The following CNBD1 variants were observed in gnomAD, a reference collection of about 807,000 sequenced individuals.
CNBD1 encodes cyclic nucleotide-binding domain-containing protein 1.
Under a neutral mutation model 54.4 loss-of-function variants are expected in CNBD1, and 71 were observed. The ratio of observed to expected loss-of-function variants is 1.30; its 90% CI spans 1.08 to 1.59. The LOEUF (loss-of-function observed/expected upper bound fraction) is 1.59. Among genes scored for constraint, CNBD1 ranks in the 40% most tolerant of loss-of-function variants. The pLI is 0.00. For missense variants in CNBD1, 659 were observed against 518.0 expected (o/e 1.27, Z -2.64); for synonymous variants, 182 against 170.7 (o/e 1.07, Z -0.51).
At chr8:86,988,152 T>G (rs1808652695) in intron 4 of CNBD1, among the ~76,000 whole-genome samples, 1 of 151,512 alleles carries the variant, frequency 6.6e-6, no homozygotes, top group Non-Finnish European at 1.5e-5. Flanking sequence ...GGTTTTTTTT[T>G]TTTTTTTTTA....
chr8:87,380,556 G>T (rs535585531), intron 10 of CNBD1, among the ~76,000 whole-genome samples: 1 of 151,868 alleles, frequency 6.6e-6, no homozygotes, highest in Non-Finnish European at 1.5e-5. Flanking sequence ...CTGAAAAAAA[G>T]CACCATTAGG....
chr8:87,307,450 A>T (rs1396654809), intron 8 of CNBD1, among the ~76,000 whole-genome samples: 2 of 152,204 alleles, frequency 1.3e-5, no homozygotes, highest in African/African-American at 4.8e-5. Context: ...ATCAGAACTT[A>T]GCAAGGGCTG....
intron 8 of CNBD1, among the ~76,000 whole-genome samples, chr8:87,351,190 G>A (rs769724777): frequency 6.6e-6 from 1 of 152,076 alleles, no homozygotes; most frequent in Non-Finnish European, 1.5e-5. Flanking sequence ...GTTCAAACTG[G>A]GCCAATGTGG....
At chr8:87,010,812 C>A (rs916793744) in intron 4 of CNBD1, among the ~76,000 whole-genome samples, 1 of 152,172 alleles carries the variant, frequency 6.6e-6, no homozygotes, top group African/African-American at 2.4e-5. Context: ...TTTTCTTGAA[C>A]ACTGAAAACA....
At chr8:87,222,524 G>A (rs1161801059) in intron 5 of CNBD1, among the ~76,000 whole-genome samples, 1 of 152,082 alleles carries the variant, frequency 6.6e-6, no homozygotes, top group African/African-American at 2.4e-5. Context: ...GGCTTCCCTG[G>A]TAGATAGATA....
chr8:87,284,021 G>T (rs1808646325), intron 6 of CNBD1, among the ~76,000 whole-genome samples: 1 of 152,062 alleles, frequency 6.6e-6, no homozygotes, highest in South Asian at 2.1e-4. Flanking sequence ...TATCATCTTA[G>T]ATAGGCATAT....
chr8:86,928,446 A>G (rs1460856508), intron 3 of CNBD1, among the ~76,000 whole-genome samples: 1 of 152,132 alleles, frequency 6.6e-6, no homozygotes, highest in Non-Finnish European at 1.5e-5. Flanking sequence ...AGTGAAGGTT[A>G]TATTGTATCC....
chr8:87,120,207 G>C (rs982743195), intron 4 of CNBD1, among the ~76,000 whole-genome samples: 3 of 151,844 alleles, frequency 2.0e-5, no homozygotes, highest in African/African-American at 7.3e-5. Context: ...TCTGGTTCTG[G>C]GCTTTTCTTT....
chr8:87,297,754 G>C (rs1222452846), intron 8 of CNBD1, among the ~76,000 whole-genome samples: 1 of 151,708 alleles, frequency 6.6e-6, no homozygotes, highest in Non-Finnish European at 1.5e-5. Flanking sequence ...ATATTTACCT[G>C]TAATATTTTA....
At chr8:87,421,376 A>G (rs1263222849) in intron 2 of CNBD1, among the ~76,000 whole-genome samples, 2 of 149,200 alleles carry the variant, frequency 1.3e-5, no homozygotes, top group Non-Finnish European at 3.0e-5. Flanking sequence ...TGCACCCACT[A>G]ACTCGTCATC....
chr8:87,423,746 T>C (rs982137753), intron 2 of CNBD1, among the ~76,000 whole-genome samples: 1 of 151,694 alleles, frequency 6.6e-6, no homozygotes, highest in Non-Finnish European at 1.5e-5. Flanking sequence ...TCTTTTTTGG[T>C]TGTGTCTCTG....
intron 10 of CNBD1, among the ~76,000 whole-genome samples, chr8:87,355,113 T>C (rs1436098903): frequency 1.3e-5 from 2 of 152,166 alleles, no homozygotes; most frequent in Non-Finnish European, 1.5e-5. Context: ...CACAGACAAA[T>C]TGGGATACTC....
At chr8:87,267,664 T>A (rs1483596341) in intron 6 of CNBD1, among the ~76,000 whole-genome samples, 1 of 152,134 alleles carries the variant, frequency 6.6e-6, no homozygotes, top group Non-Finnish European at 1.5e-5. Flanking sequence ...GTAATTTGAG[T>A]ATAGCATACA....
intron 4 of CNBD1, among the ~76,000 whole-genome samples, chr8:87,099,539 A>G (rs1811388082): frequency 6.6e-6 from 1 of 152,208 alleles, no homozygotes; most frequent in East Asian, 1.9e-4. Flanking sequence ...GACTGGCTTC[A>G]AAGGCAAGTA....
rs1281220225 is a variant in CNBD1 at position 87,395,092 on chromosome 8, T to C, written c.214-33454T>C. The stretch of plus-strand genomic sequence containing the variant: ...CAAAATACAATAACATAAAGTTAAA[T>C]GTATGCTTTGAACTAGGCAAATATG... On this transcript the variant is annotated intron_variant, in intron 2 of 7. Coordinates refer to the CNBD1 transcript ENST00000521593. 2.0e-5 allele frequency among the ~76,000 whole-genome samples: 3 copies of C among 151,906 alleles called. No homozygotes were observed. The East Asian group carries it at 5.8e-4, about 29-fold the overall frequency.
chr8:87,093,972 C>A (rs1363817595), intron 4 of CNBD1, among the ~76,000 whole-genome samples: 1 of 152,172 alleles, frequency 6.6e-6, no homozygotes, highest in Non-Finnish European at 1.5e-5. Context: ...CATGCAGTAA[C>A]TATTAAAGTA....
rs1175748626 is a variant in CNBD1 at position 87,301,548 on chromosome 8, A to C, written c.1042+14877A>C. Among the ~76,000 whole-genome samples the C allele has an allele frequency of 2.0e-5, 3 of 152,298 alleles. No homozygotes were observed. The East Asian group carries it at 5.8e-4, about 29-fold the overall frequency. On this transcript the variant is annotated intron_variant, in intron 8 of 10. Coordinates refer to ENST00000518476, the MANE Select transcript of CNBD1 (RefSeq NM_173538.3). ...GATGCAGGGATAGTTTAGCATATGC[A>C]AGTCAATAAATGTAATACACCATAT... is the stretch of plus-strand genomic sequence containing the variant.
intron 4 of CNBD1, among the ~76,000 whole-genome samples, chr8:87,178,111 G>A (rs1349621771): frequency 6.6e-6 from 1 of 152,080 alleles, no homozygotes; most frequent in Admixed American, 6.5e-5. Context: ...AATCTATTGA[G>A]CACGTTCTAA....
intron 4 of CNBD1, among the ~76,000 whole-genome samples, chr8:86,940,528 G>C (rs1442387631): frequency 6.6e-6 from 1 of 152,146 alleles, no homozygotes; most frequent in Non-Finnish European, 1.5e-5. Flanking sequence ...CCTGAAGAAG[G>C]AGGGGTGTGG....
Sources: allele counts gnomAD v4.1 joint callset (sites outside exome capture counted in the v4.1 genomes callset), GRCh38; gene constraint gnomAD v4.1.1; transcripts MANE v1.5; gene names NCBI Gene and HGNC (gene_info 2026-07-23, HGNC 2026-07-21).